RPS6KC1: variants seen among roughly 807,000 people sequenced by gnomAD.
The protein encoded by RPS6KC1 is ribosomal protein S6 kinase C1.
RPS6KC1 carries 54 observed loss-of-function variants against 103.8 expected under a neutral mutation model. The observed-to-expected ratio is 0.52, with a 90% CI of 0.42 to 0.65. The LOEUF (loss-of-function observed/expected upper bound fraction) is 0.65, where lower values mean the gene tolerates loss of function less well. RPS6KC1 is among the 30% of genes least tolerant of loss of function. The pLI, the probability that RPS6KC1 is intolerant of heterozygous loss-of-function variation, is 0.00. For synonymous variants in RPS6KC1, 439 were observed against 438.7 expected, an observed-to-expected ratio of 1.00 and a Z score of -0.01; for missense variants, 1,151 against 1,253.8, an observed-to-expected ratio of 0.92 and a Z score of 1.24.
chr1:213,822,480 T>G, the RPS6KC1 span: 1 of 152,224 alleles, frequency 6.6e-6, no homozygotes, highest in African/African-American at 2.4e-5. Context: ...TAATGCTATA[T>G]AGGATAAGTC....
At chr1:213,684,284 C>G in the RPS6KC1 span, among the ~76,000 whole-genome samples, 1 of 152,096 alleles carries the variant, frequency 6.6e-6, no homozygotes, top group Non-Finnish European at 1.5e-5. Flanking sequence ...TTTGTTATTA[C>G]TATTATTTAA....
At chr1:213,689,213 TG>T in the RPS6KC1 span, among the ~76,000 whole-genome samples, 4 of 152,220 alleles carry the variant, frequency 2.6e-5, no homozygotes, top group Non-Finnish European at 5.9e-5. Context: ...AACCCTTGCC[TG>T]GCACAGGTGG....
Position 213,051,462 on chromosome 1 carries a change from C to CA in RPS6KC1, c.58_59insA (p.Pro20HisfsTer12). The CA allele has an allele frequency of 6.2e-7, 1 of 1,613,532 alleles. No individual in the cohort carries two copies. The highest frequency in any genetic ancestry group is 1.1e-5 in the South Asian group (1 of 91,006). On this transcript the variant is annotated frameshift_variant, in exon 1 of 15. Transcript: ENST00000366960. LOFTEE classifies it high-confidence loss of function. Reference sequence around the variant, plus strand: ...GGCCCGTTTCTACACTGTCACCGAGCCCCAGCGACACCCGAGGGGCTACAC... The same window carrying CA: ...GGCCCGTTTCTACACTGTCACCGAGCACCCAGCGACACCCGAGGGGCTACAC...
the RPS6KC1 span, among the ~76,000 whole-genome samples, chr1:213,625,657 C>T: frequency 7.0e-4 from 107 of 152,322 alleles, 2 homozygotes; most frequent in African/African-American, 2.5e-3. Context: ...TCAATTCCCA[C>T]CTATGAGTGA....
intron 4 of RPS6KC1, among the ~76,000 whole-genome samples, chr1:213,116,148 TG>T (rs2083578131): frequency 6.6e-6 from 1 of 152,050 alleles, no homozygotes; most frequent in Non-Finnish European, 1.5e-5. Flanking sequence ...ATGTTGACAG[TG>T]GGGTGTTAAA....
the RPS6KC1 span, among the ~76,000 whole-genome samples, chr1:213,783,346 G>C: frequency 6.6e-6 from 1 of 152,118 alleles, no homozygotes; most frequent in African/African-American, 2.4e-5. Flanking sequence ...CTTCCTTTTT[G>C]ATTGACACTT....
chr1:213,312,237 G>A, the RPS6KC1 span, among the ~76,000 whole-genome samples: 1 of 143,330 alleles, frequency 7.0e-6, no homozygotes, highest in Non-Finnish European at 1.6e-5. Flanking sequence ...GAGGCTTGGG[G>A]CACCTCCCAG....
chr1:213,619,789 A>G, the RPS6KC1 span, among the ~76,000 whole-genome samples: 1 of 152,236 alleles, frequency 6.6e-6, no homozygotes, highest in Non-Finnish European at 1.5e-5. Context: ...CATATATGCA[A>G]TTGACATTTG....
the RPS6KC1 span, among the ~76,000 whole-genome samples, chr1:213,612,594 T>A: frequency 6.6e-6 from 1 of 152,234 alleles, no homozygotes; most frequent in Non-Finnish European, 1.5e-5. Context: ...CTGTCAAGTG[T>A]CTCACATGTG....
chr1:213,238,994 G>C (rs2094290840), intron 10 of RPS6KC1, among the ~76,000 whole-genome samples: 1 of 152,174 alleles, frequency 6.6e-6, no homozygotes, highest in African/African-American at 2.4e-5. Flanking sequence ...TGTGAGTATT[G>C]TTGTCAATAG....
the RPS6KC1 span, among the ~76,000 whole-genome samples, chr1:213,775,248 C>A: frequency 6.6e-6 from 1 of 152,148 alleles, no homozygotes; most frequent in African/African-American, 2.4e-5. Flanking sequence ...TACACTTATA[C>A]ATAATTTATA....
the RPS6KC1 span, among the ~76,000 whole-genome samples, chr1:213,495,027 T>C: frequency 6.6e-6 from 1 of 152,198 alleles, no homozygotes; most frequent in African/African-American, 2.4e-5. Flanking sequence ...AGGGGAATAG[T>C]TGTGATCAAG....
At chr1:213,384,100 C>G in the RPS6KC1 span, among the ~76,000 whole-genome samples, 1 of 151,986 alleles carries the variant, frequency 6.6e-6, no homozygotes, top group African/African-American at 2.4e-5. Flanking sequence ...CACGGTGAAA[C>G]CCTGTCTCTA....
chr1:213,259,957 CTG>C (rs2094744289), intron 12 of RPS6KC1, among the ~76,000 whole-genome samples: 1 of 151,798 alleles, frequency 6.6e-6, no homozygotes, highest in Non-Finnish European at 1.5e-5. Flanking sequence ...CAGGCTGGTC[CTG>C]AACCTCTGAC....
At chr1:213,818,083 C>T in the RPS6KC1 span, 1 of 152,208 alleles carries the variant, frequency 6.6e-6, no homozygotes, top group Non-Finnish European at 1.5e-5. Context: ...CTGCCTGCCC[C>T]ACTGACTTTC....
At chr1:213,141,441 A>T (rs2087021616) in intron 6 of RPS6KC1, among the ~76,000 whole-genome samples, 2 of 151,280 alleles carry the variant, frequency 1.3e-5, no homozygotes, top group African/African-American at 2.4e-5. Flanking sequence ...AGGTTTTTTT[A>T]TTTTTATTTT....
rs1442757546 is a variant in RPS6KC1 at position 213,263,529 on chromosome 1, T to TA, written c.3090+714dup. On this transcript the variant is annotated intron_variant, in intron 14 of 14. Coordinates refer to ENST00000366960, the MANE Select transcript of RPS6KC1 (RefSeq NM_012424.6). ...CAGGAACAAGAAGGCCTGGGATCCT[T>TA]ATGCTTTTATGAAAAATATAATGGA... Among the ~76,000 whole-genome samples the TA allele has an allele frequency of 5.3e-5, 8 of 152,304 alleles. No individual in the cohort carries two copies. In the South Asian group the frequency reaches 1.2e-3, roughly 24 times the overall value.
At chr1:213,181,629 C>T (rs545847941) in intron 8 of RPS6KC1, among the ~76,000 whole-genome samples, 2 of 152,238 alleles carry the variant, frequency 1.3e-5, no homozygotes, top group East Asian at 3.9e-4. Context: ...CAGGTATTTG[C>T]TCATTAAGGG....
At chr1:213,254,370 T>A (rs1400590158) in intron 12 of RPS6KC1, among the ~76,000 whole-genome samples, 1 of 152,204 alleles carries the variant, frequency 6.6e-6, no homozygotes, top group African/African-American at 2.4e-5. Flanking sequence ...TTAGTGACCC[T>A]GATTCATTTC....
Sources: gnomAD v4.1 joint callset for allele counts (sites outside exome capture counted in the v4.1 genomes callset) on GRCh38, gnomAD v4.1.1 for gene constraint, MANE v1.5 for transcripts, NCBI Gene and HGNC (gene_info 2026-07-23, HGNC 2026-07-21) for gene names.